Variants in CD8B2 observed in about 807,000 individuals in gnomAD.
CD8B2 encodes T-cell surface glycoprotein CD8 beta-2 chain.
In CD8B2, 11 loss-of-function variants were observed where a neutral mutation model predicts 23.7. The ratio of observed to expected loss-of-function variants is 0.46; its 90% CI spans 0.29 to 0.77. The LOEUF is 0.77. Ranked by LOEUF, CD8B2 falls within the 30% of genes least tolerant of loss-of-function variation. CD8B2 has a pLI of 0.09. For synonymous variants in CD8B2, 90 were observed against 109.3 expected, an observed-to-expected ratio of 0.82 and a Z score of 1.10; for missense variants, 197 against 270.5, an observed-to-expected ratio of 0.73 and a Z score of 1.91.
intron 3 of CD8B2, among the ~76,000 whole-genome samples, chr2:106,497,313 A>G (rs1204790613): frequency 6.6e-6 from 1 of 152,160 alleles, no homozygotes; most frequent in African/African-American, 2.4e-5. Flanking sequence ...AGAGGACCTA[A>G]TACACAGTAT....
chr2:106,540,612 T>C (rs1192943197), intron 5 of CD8B2, among the ~76,000 whole-genome samples: 1 of 152,074 alleles, frequency 6.6e-6, no homozygotes, highest in Non-Finnish European at 1.5e-5. Context: ...TCACCCAGGC[T>C]AGAGTGCAGT....
At chr2:106,543,540 A>C (rs1301036231) in intron 5 of CD8B2, among the ~76,000 whole-genome samples, 1 of 151,940 alleles carries the variant, frequency 6.6e-6, no homozygotes, top group African/African-American at 2.4e-5. Flanking sequence ...AATATAAATA[A>C]ATTAATTAAA....
intron 5 of CD8B2, among the ~76,000 whole-genome samples, chr2:106,518,501 G>T (rs756609472): frequency 2.0e-5 from 3 of 152,094 alleles, no homozygotes; most frequent in African/African-American, 7.2e-5. Context: ...AACTCATATT[G>T]GTTTCAGAAT....
downstream of CD8B2, among the ~76,000 whole-genome samples, chr2:106,514,435 G>A (rs370764044): frequency 6.6e-6 from 1 of 151,674 alleles, no homozygotes; most frequent in Non-Finnish European, 1.5e-5. Context: ...TTACAGGTGC[G>A]CGCCATCATG....
chr2:106,535,686 A>G (rs4234108), intron 5 of CD8B2, among the ~76,000 whole-genome samples: 28,784 of 152,104 alleles, frequency 0.19, 3,270 homozygotes, highest in East Asian at 0.56. Context: ...GGGGAGCTGG[A>G]CATTTTTCCA....
At chr2:106,505,299 T>C (rs1425107155) in intron 5 of CD8B2, among the ~76,000 whole-genome samples, 1 of 152,212 alleles carries the variant, frequency 6.6e-6, no homozygotes, top group Non-Finnish European at 1.5e-5. Flanking sequence ...CAACTCTAAA[T>C]TGACGAGGGC....
intron 2 of CD8B2, among the ~76,000 whole-genome samples, chr2:106,492,609 A>C (rs1482047317): frequency 2.0e-5 from 3 of 152,014 alleles, no homozygotes; most frequent in African/African-American, 7.2e-5. Flanking sequence ...CTCTAGCCCC[A>C]CCTCCAGCTT....
intron 5 of CD8B2, among the ~76,000 whole-genome samples, chr2:106,528,168 A>T (rs1174319288): frequency 6.6e-6 from 1 of 152,228 alleles, no homozygotes; most frequent in Non-Finnish European, 1.5e-5. Flanking sequence ...CCTTGTGTAT[A>T]TTGACTTTGG....
intron 5 of CD8B2, among the ~76,000 whole-genome samples, chr2:106,526,506 AG>A (rs1679909243): frequency 6.6e-6 from 1 of 152,214 alleles, no homozygotes; most frequent in South Asian, 2.1e-4. Flanking sequence ...ATGTAAATGT[AG>A]TCATACACTA....
At position 106,510,459 on chromosome 2, in the gene CD8B2, C is replaced by G. The variant is rs1198740988; in HGVS notation, c.*3519C>G. On this transcript the variant is annotated 3_prime_UTR_variant, in exon 6 of 6. Coordinates refer to ENST00000643224, the MANE Select transcript of CD8B2 (RefSeq NM_001349727.2). ...TTTCTTCAGCAAGCACATGGGATTA[C>G]AGCTCATGCCTGTAATCCCAGTACT... is the stretch of plus-strand genomic sequence containing the variant. The G allele has an allele frequency of 6.6e-6, 1 of 152,220 alleles. No homozygotes were observed. The highest frequency in any genetic ancestry group is 1.5e-5 in the Non-Finnish European group (1 of 68,040). The allele number at this position is 152,220 out of a possible 1,614,324, so 9.4% of individuals were successfully genotyped here. A position where few individuals can be genotyped will look rare whatever the true frequency, so the allele number is the denominator to read the frequency against.
intron 5 of CD8B2, among the ~76,000 whole-genome samples, chr2:106,506,347 C>T (rs1223753463): frequency 6.6e-6 from 1 of 152,128 alleles, no homozygotes; most frequent in Non-Finnish European, 1.5e-5. Context: ...AGGGAAGGGG[C>T]TCTGGGTGGT....
intron 4 of CD8B2, 55 bp from the exon 5 acceptor site, chr2:106,504,234 T>A: frequency 6.4e-7 from 1 of 1,552,476 alleles, no homozygotes; most frequent in Non-Finnish European, 8.7e-7. Context: ...CCTCTGGGGC[T>A]CAGCACAGTG....
intron 2 of CD8B2, among the ~76,000 whole-genome samples, chr2:106,494,523 CT>C (rs1679262878): frequency 6.6e-6 from 1 of 151,638 alleles, no homozygotes; most frequent in South Asian, 2.1e-4. Context: ...ATGGTGTCTC[CT>C]TACTCCCTCT....
chr2:106,499,314 C>A (rs1203517580), intron 3 of CD8B2, among the ~76,000 whole-genome samples: 2 of 152,110 alleles, frequency 1.3e-5, no homozygotes, highest in African/African-American at 4.8e-5. Flanking sequence ...TGGTGGATCA[C>A]CTGAGGTCAG....
intron 3 of CD8B2, 54 bp from the exon 4 acceptor site, chr2:106,502,420 T>A: frequency 9.4e-7 from 1 of 1,065,436 alleles, no homozygotes; most frequent in Non-Finnish European, 1.4e-6. Flanking sequence ...TTTCTGCGTG[T>A]CTCACGCAGA....
chr2:106,501,452 C>T (rs1416367865), intron 3 of CD8B2, among the ~76,000 whole-genome samples: 5 of 152,108 alleles, frequency 3.3e-5, no homozygotes, highest in East Asian at 3.9e-4. Context: ...GAGGCTGAGG[C>T]GGGTGGATCA....
intron 1 of CD8B2, 138 bp from the exon 2 acceptor site, chr2:106,490,736 C>T (rs1029934402): frequency 9.6e-6 from 14 of 1,462,864 alleles, no homozygotes; most frequent in Non-Finnish European, 1.3e-5. Flanking sequence ...AACAGCTGTG[C>T]TCAACACACT....
chr2:106,507,501 G>A lies in CD8B2; in HGVS notation c.*561G>A. The A allele has an allele frequency of 2.0e-6, 2 of 985,262 alleles. No homozygotes were observed. Among genetic ancestry groups the A allele is most frequent in the Non-Finnish European group, 2.4e-6 (2 of 829,750 alleles). The allele number at this position is 985,262 out of a possible 1,614,324, so 61.0% of individuals were successfully genotyped here. On this transcript the variant is annotated 3_prime_UTR_variant, in exon 6 of 6. Coordinates refer to ENST00000643224, the MANE Select transcript of CD8B2 (RefSeq NM_001349727.2). ...TTCCTTTGGGGCCGGGAACTTGCGG[G>A]TTTGAGGATAGGAGTTCACTTCATC...
intron 5 of CD8B2, among the ~76,000 whole-genome samples, chr2:106,530,491 G>A (rs1257173720): frequency 6.6e-6 from 1 of 151,862 alleles, no homozygotes; most frequent in Non-Finnish European, 1.5e-5. Flanking sequence ...CCATTCTCCC[G>A]CCTCAGCCTC....
Sources: allele counts gnomAD v4.1 joint callset (sites outside exome capture counted in the v4.1 genomes callset), GRCh38; gene constraint gnomAD v4.1.1; transcripts MANE v1.5; gene names NCBI Gene and HGNC (gene_info 2026-07-23, HGNC 2026-07-21).